The following FBXO6 variants were observed in gnomAD, a reference collection of about 807,000 sequenced individuals.
FBXO6 encodes F-box protein 6, also known as F-box only protein 6.
A neutral mutation model predicts 25.0 loss-of-function variants in FBXO6; 13 were observed. The ratio of observed to expected loss-of-function variants is 0.52; its 90% CI spans 0.34 to 0.83. FBXO6 has a LOEUF of 0.83. Ranked by LOEUF, FBXO6 falls within the 40% of genes least tolerant of loss-of-function variation. The probability of loss-of-function intolerance (pLI) is 0.02; values close to 1 mark genes in which losing one functional copy is unlikely to be tolerated. For missense variants in FBXO6, 370 were observed against 380.2 expected (o/e 0.97, Z 0.22); for synonymous variants, 138 against 155.3 (o/e 0.89, Z 0.83).
chr1:11,673,916 G>A lies in FBXO6; in HGVS notation c.*65G>A, dbSNP rs762427268. ...CCAGGCAGGAGCTGAGCATGGGGTG[G>A]GCAGTGAGGTCCCTGTACCAGCGAC... is the stretch of plus-strand genomic sequence containing the variant. On this transcript the variant is annotated 3_prime_UTR_variant, in exon 6 of 6. Transcript: ENST00000376753. The surrounding 1 kb of genome is among the most constrained non-coding windows in gnomAD (Gnocchi z 4.3). 9 of 1,461,934 alleles carry A rather than the reference G, an allele frequency of 6.2e-6. No individual in the cohort carries two copies. Among genetic ancestry groups the A allele is most frequent in the Non-Finnish European group, 8.6e-6 (9 of 1,045,148 alleles). 90.6% of individuals were successfully genotyped at this position (1,461,934 alleles called of 1,614,324 possible). A position where few individuals can be genotyped will look rare whatever the true frequency, so the allele number is the denominator to read the frequency against.
At chr1:11,667,828 C>G (rs1640485250) in intron 1 of FBXO6, among the ~76,000 whole-genome samples, 1 of 152,158 alleles carries the variant, frequency 6.6e-6, no homozygotes, top group South Asian at 2.1e-4. Context: ...TACGGTGGCT[C>G]ACGCCTGTAA....
chr1:11,672,007 A>G lies in FBXO6; in HGVS notation c.493A>G (p.Ile165Val). ...GCTACTAGACACATTCCGGCCGGAC[A>G]TCGTGGTTAAGGACTGGTGAGTAGG... is the stretch of plus-strand genomic sequence containing the variant. ...EELLDTFRPD[I>V]VVKDWFAARA... is the part of the protein sequence containing the mutation. Residue 165 changes from isoleucine to valine, a missense_variant, in exon 4 of 6, where the codon ATC becomes GTC. Coordinates refer to ENST00000376753, the MANE Select transcript of FBXO6 (RefSeq NM_018438.6). 1.2e-6 allele frequency: 2 copies of G among 1,614,106 alleles called. No individual in the cohort carries two copies. Among genetic ancestry groups the G allele is most frequent in the Non-Finnish European group, 1.7e-6 (2 of 1,179,940 alleles).
intron 1 of FBXO6, among the ~76,000 whole-genome samples, chr1:11,665,476 C>T (rs1216656782): frequency 3.3e-5 from 5 of 150,612 alleles, no homozygotes; most frequent in South Asian, 4.2e-4. Context: ...AGGACGGTCT[C>T]GATCTCCTAA....
At position 11,674,101 on chromosome 1, in the gene FBXO6, G is replaced by A. The variant is rs1325436494; in HGVS notation, c.*250G>A. On this transcript the variant is annotated 3_prime_UTR_variant, in exon 6 of 6. Coordinates refer to ENST00000376753, the MANE Select transcript of FBXO6 (RefSeq NM_018438.6). The surrounding 1 kb of genome is among the most constrained non-coding windows in gnomAD (Gnocchi z 6.1). The stretch of plus-strand genomic sequence containing the variant: ...AGGTGGATCACGAGGTCAGGAGATA[G>A]AGACCATCCTGGCCAACACGGTGAA... 4.4e-6 allele frequency: 2 copies of A among 450,392 alleles called. No homozygotes were observed. Among genetic ancestry groups the A allele is most frequent in the South Asian group, 2.1e-5 (1 of 46,920 alleles). 27.9% of individuals were successfully genotyped at this position (450,392 alleles called of 1,614,324 possible).
chr1:11,668,589 C>A, intron 1 of FBXO6, 67 bp from the exon 2 acceptor site: 2 of 1,567,298 alleles, frequency 1.3e-6, no homozygotes, highest in Non-Finnish European at 1.7e-6. Flanking sequence ...GAGTCCCTGG[C>A]CTGGTTCCCT....
At chr1:11,672,119 C>T in intron 4 of FBXO6, 96 bp downstream of exon 4, 2 of 1,124,306 alleles carry the variant, frequency 1.8e-6, no homozygotes, top group Non-Finnish European at 2.6e-6. Context: ...GCCCACTCTG[C>T]ACAGCAGTGC....
rs745534004 is a variant in FBXO6, at chr1:11,672,028, G to A, written c.509+5G>A. ...GGACATCGTGGTTAAGGACTGGTGAGTAGGGTCCATGGCCTGTGTCCCCAC... is the reference window on the plus strand; with the variant it reads ...GGACATCGTGGTTAAGGACTGGTGAATAGGGTCCATGGCCTGTGTCCCCAC... On this transcript the variant is annotated splice_donor_5th_base_variant and intron_variant, in intron 4 of 5. Transcript: ENST00000376753. The A allele has an allele frequency of 6.2e-7, 1 of 1,612,624 alleles. No homozygotes were observed. The highest frequency in any genetic ancestry group is 1.7e-5 in the Admixed American group (1 of 60,018).
At chr1:11,671,880 C>G (rs547060027) in intron 3 of FBXO6, 48 bp from the exon 4 acceptor site, 23 of 1,500,610 alleles carry the variant, frequency 1.5e-5, no homozygotes, top group South Asian at 4.5e-5. Context: ...AGGGGGGGGG[C>G]CATGCAGAGC....
rs777530043 is a variant in FBXO6, at chr1:11,673,243, G to A, written c.510-34G>A. On this transcript the variant is annotated intron_variant, in intron 4 of 5. Transcript: ENST00000376753. This position sits in a 1 kb window ranked among gnomAD's most constrained non-coding sequence, Gnocchi z 4.3. ...CCCACCCCTGGGGCCAGCCCTCGGT[G>A]GCTTGGACACAGGGCTCTCAACCCC... The A allele has an allele frequency of 1.9e-6, 3 of 1,595,340 alleles. No homozygotes were observed. The highest frequency in any genetic ancestry group is 8.5e-7 in the Non-Finnish European group (1 of 1,170,170).
intron 4 of FBXO6, 159 bp downstream of exon 4, chr1:11,672,182 G>A (rs568523389): frequency 2.4e-5 from 15 of 627,130 alleles, no homozygotes; most frequent in African/African-American, 1.3e-4. Context: ...CACACCCTGC[G>A]GCACCTCCTG....
intron 1 of FBXO6, among the ~76,000 whole-genome samples, chr1:11,668,400 GGTT>G (rs1350964279): frequency 3.3e-5 from 4 of 120,066 alleles, no homozygotes; most frequent in Admixed American, 1.5e-4. Flanking sequence ...CTCTTTTGTG[GGTT>G]TTTTTTTTTT....
chr1:11,673,432 C>G lies in FBXO6; in HGVS notation c.645+20C>G, dbSNP rs1640684869. 9 of 1,612,214 alleles carry G rather than the reference C, an allele frequency of 5.6e-6. No individual in the cohort carries two copies. Among genetic ancestry groups the G allele is most frequent in the Non-Finnish European group, 7.6e-6 (9 of 1,179,092 alleles). The stretch of plus-strand genomic sequence containing the variant: ...ACAGAGGTGAGGCCTCACCCACTTG[C>G]TCTCTCTACCCACTCCTCCCAGGGC... On this transcript the variant is annotated intron_variant, in intron 5 of 5. Transcript: ENST00000376753. This position sits in a 1 kb window ranked among gnomAD's most constrained non-coding sequence, Gnocchi z 4.3.
In FBXO6 at chr1:11,672,012, G is replaced by A. The variant is rs1640632070; in HGVS notation, c.498G>A (p.Val166=). The A allele has an allele frequency of 1.9e-6, 3 of 1,614,074 alleles. No individual in the cohort carries two copies. Among genetic ancestry groups the A allele is most frequent in the Non-Finnish European group, 1.7e-6 (2 of 1,179,888 alleles). The change falls in exon 4 of 6, where the codon GTG becomes GTA. Residue 166 remains valine (V), a synonymous_variant. Coordinates refer to ENST00000376753, the MANE Select transcript of FBXO6 (RefSeq NM_018438.6). ...ELLDTFRPDI[V]VKDWFAARAD... is the part of the protein sequence containing the mutation. ...TAGACACATTCCGGCCGGACATCGT[G>A]GTTAAGGACTGGTGAGTAGGGTCCA...
rs1475429846 is a variant in FBXO6 at position 11,672,952 on chromosome 1, G to A, written c.510-325G>A. ...ACTCTCCCACTGAATCCACAGCCTGGTCCATTGTAAGTACAGGTGACATGG... is the reference window on the plus strand; with the variant it reads ...ACTCTCCCACTGAATCCACAGCCTGATCCATTGTAAGTACAGGTGACATGG... On this transcript the variant is annotated intron_variant, in intron 4 of 5. Coordinates refer to ENST00000376753, the MANE Select transcript of FBXO6 (RefSeq NM_018438.6). Among the ~76,000 whole-genome samples the A allele has an allele frequency of 9.2e-5, 14 of 152,228 alleles. 1 individual carries two copies.
Position 11,671,275 on chromosome 1 carries a change from T to C in FBXO6, c.296T>C (p.Phe99Ser). ...CTTCTGTTCTTCCTAGAGGATATGT[T>C]TGCATGGCAAATTGATTTCAATGGT... Reference protein sequence around the residue: ...LRNPCAEEDMFAWQIDFNGGD... With the variant: ...LRNPCAEEDMSAWQIDFNGGD... The change falls in exon 3 of 6, where the codon TTT becomes TCT. Residue 99 changes from phenylalanine (F) to serine (S), a missense_variant. Transcript: ENST00000376753. 1 of 1,613,944 alleles carries C rather than the reference T, an allele frequency of 6.2e-7. No homozygotes were observed. The highest frequency in any genetic ancestry group is 8.5e-7 in the Non-Finnish European group (1 of 1,179,886).
At chr1:11,672,543 G>A (rs1285613145) in intron 4 of FBXO6, among the ~76,000 whole-genome samples, 1 of 152,082 alleles carries the variant, frequency 6.6e-6, no homozygotes, top group East Asian at 1.9e-4. Flanking sequence ...ACCCACCTCG[G>A]CCTCCCAAAG....
intron 1 of FBXO6, among the ~76,000 whole-genome samples, chr1:11,665,215 C>CTTTTTTTTTT (rs541103021): frequency 1.6e-5 from 1 of 61,586 alleles, no homozygotes; most frequent in Non-Finnish European, 2.9e-5. Flanking sequence ...TAGCTAATTT[C>CTTTTTTTTTT]TTTTTTTTTT....
rs564229182 is a variant in FBXO6 at position 11,665,653 on chromosome 1, C to T, written c.-4+1398C>T. Among the ~76,000 whole-genome samples, 280 of 148,360 alleles carry T rather than the reference C, an allele frequency of 1.9e-3. 3 individuals carry two copies. The highest frequency in any genetic ancestry group is 6.8e-3 in the African/African-American group (269 of 39,626). ...TCGGCTCACTGCAACCTCCGCTTCC[C>T]GGGTTCAGGTGATTCTCCTGCCTCA... On this transcript the variant is annotated intron_variant, in intron 1 of 5. Coordinates refer to ENST00000376753, the MANE Select transcript of FBXO6 (RefSeq NM_018438.6).
At chr1:11,672,185 A>C (rs1041872104) in intron 4 of FBXO6, 162 bp downstream of exon 4, 1 of 625,702 alleles carries the variant, frequency 1.6e-6, no homozygotes, top group Non-Finnish European at 2.8e-6. Flanking sequence ...ACCCTGCGGC[A>C]CCTCCTGGCC....
Sources: gnomAD v4.1 joint callset for allele counts (sites outside exome capture counted in the v4.1 genomes callset) on GRCh38, gnomAD v4.1.1 for gene constraint, Gnocchi (gnomAD v3.1) non-coding constraint, MANE v1.5 for transcripts, NCBI Gene and HGNC (gene_info 2026-07-23, HGNC 2026-07-21) for gene names.